The following ACAA2 variants were observed in gnomAD, a reference collection of about 807,000 sequenced individuals.
The protein encoded by ACAA2 is 3-ketoacyl-CoA thiolase, mitochondrial.
A neutral mutation model predicts 44.8 loss-of-function variants in ACAA2; 35 were observed. The observed-to-expected ratio is 0.78, with a 90% CI of 0.60 to 1.04. The LOEUF (loss-of-function observed/expected upper bound fraction) is 1.04, where lower values mean the gene tolerates loss of function less well. ACAA2 is among the 50% of genes least tolerant of loss of function. The pLI is 0.00. For missense variants in ACAA2, 468 were observed against 482.6 expected (o/e 0.97, Z 0.28); for synonymous variants, 142 against 166.5 (o/e 0.85, Z 1.13).
At chr18:49,784,040 T>TAA in intron 9 of ACAA2, 109 bp from the exon 10 acceptor site, 1 of 865,332 alleles carries the variant, frequency 1.2e-6, no homozygotes, top group Non-Finnish European at 1.9e-6. Context: ...GCTCATCTGC[T>TAA]CAATCTTTTC....
At chr18:49,811,235 G>C (rs995520286) in intron 1 of ACAA2, among the ~76,000 whole-genome samples, 2 of 152,040 alleles carry the variant, frequency 1.3e-5, no homozygotes, top group Non-Finnish European at 2.9e-5. Flanking sequence ...TACAGGAAAA[G>C]CACCACTAGG....
In ACAA2 at chr18:49,797,567, T is replaced by C. The variant is rs1390174167; in HGVS notation, c.211A>G (p.Arg71Gly). The C allele has an allele frequency of 6.2e-7, 1 of 1,611,572 alleles. No homozygotes were observed. Among genetic ancestry groups the C allele is most frequent in the Non-Finnish European group, 8.5e-7 (1 of 1,179,022 alleles). ...ATTCCCACACGCAAACCAACATGCCTTGCCAAATATATAGCATCTGAAGAA... is the reference window on the plus strand; with the variant it reads ...ATTCCCACACGCAAACCAACATGCCCTGCCAAATATATAGCATCTGAAGAA... ...QSSSDAIYLA[R>G]HVGLRVGIPK... The change falls in exon 3 of 10, where the codon AGG (arginine) becomes GGG (glycine). Residue 71 changes from arginine to glycine, a missense_variant. Physicochemically the swap from Arg to Gly is moderately radical, Grantham distance 125 (BLOSUM62 -2). Transcript: ENST00000285093.
chr18:49,789,415 T>C (rs1412893233), intron 7 of ACAA2, among the ~76,000 whole-genome samples: 1 of 152,168 alleles, frequency 6.6e-6, no homozygotes, highest in Non-Finnish European at 1.5e-5. Context: ...AGGGGGCAGC[T>C]GATACTGTGG....
chr18:49,803,016 C>T lies in ACAA2; in HGVS notation c.17-163G>A, dbSNP rs113004879. On this transcript the variant is annotated intron_variant, in intron 1 of 9. Transcript: ENST00000285093. ...CAAGTCATACCCATGGAAGCAGAGT[C>T]TTAAGGACTACCAGTTTGACAGTTT... The T allele has an allele frequency of 2.4e-4, 193 of 796,660 alleles. 1 individual carries two copies. The African/African-American group carries it at 2.9e-3, about 12-fold the overall frequency. 49.3% of individuals were successfully genotyped at this position (796,660 alleles called of 1,614,324 possible).
intron 2 of ACAA2, among the ~76,000 whole-genome samples, chr18:49,800,614 C>G (rs544339660): frequency 4.8e-4 from 73 of 152,296 alleles, no homozygotes; most frequent in African/African-American, 1.7e-3. Context: ...CCCGTGCTCT[C>G]TGAAACATGT....
At position 49,813,519 on chromosome 18, in the gene ACAA2, G is replaced by C; in HGVS notation, c.-35C>G. The C allele has an allele frequency of 8.1e-7, 1 of 1,238,426 alleles. No individual in the cohort carries two copies. The highest frequency in any genetic ancestry group is 3.2e-5 in the East Asian group (1 of 31,682). The allele number at this position is 1,238,426 out of a possible 1,614,324, so 76.7% of individuals were successfully genotyped here. Reference sequence around the variant, plus strand: ...TGGGTCGTCGGCGGCGCGGGTCTGTGGTGTGGGGGACGCTGAGCGGCCGCT... The same window carrying C: ...TGGGTCGTCGGCGGCGCGGGTCTGTCGTGTGGGGGACGCTGAGCGGCCGCT... On this transcript the variant is annotated 5_prime_UTR_variant, in exon 1 of 10. Transcript: ENST00000285093.
rs2023278095 is a variant in ACAA2, at chr18:49,782,540, G to C, written c.*1307C>G. ...TTCTGCCTGGGTGACAGAGCAAGAT[G>C]CTATCTCAAAAAAAAAAAAAAAAGG... is the stretch of plus-strand genomic sequence containing the variant. On this transcript the variant is annotated 3_prime_UTR_variant, in exon 10 of 10. Transcript: ENST00000285093. 1 of 113,158 alleles carries C rather than the reference G, an allele frequency of 8.8e-6. No individual in the cohort carries two copies. The highest frequency in any genetic ancestry group is 3.5e-5 in the African/African-American group (1 of 28,456). The allele number at this position is 113,158 out of a possible 1,614,324, so 7.0% of individuals were successfully genotyped here.
intron 2 of ACAA2, among the ~76,000 whole-genome samples, chr18:49,799,835 A>G (rs1218236703): frequency 1.5e-4 from 4 of 27,308 alleles, no homozygotes; most frequent in Admixed American, 4.9e-4. Flanking sequence ...GCCGCCCATC[A>G]TCTGGGATGT....
chr18:49,804,466 A>G (rs989850376), intron 1 of ACAA2, among the ~76,000 whole-genome samples: 5 of 152,212 alleles, frequency 3.3e-5, no homozygotes, highest in Admixed American at 6.5e-5. Flanking sequence ...CACCTCCAGT[A>G]TCTGAAGTCA....
chr18:49,810,308 A>C (rs2023654969), intron 1 of ACAA2, among the ~76,000 whole-genome samples: 1 of 152,198 alleles, frequency 6.6e-6, no homozygotes, highest in Non-Finnish European at 1.5e-5. Context: ...TGAAATCCAA[A>C]GATAACAAAA....
intron 2 of ACAA2, among the ~76,000 whole-genome samples, chr18:49,801,812 A>ATATCTATC (rs1555790826): frequency 1.2e-4 from 17 of 143,312 alleles, no homozygotes; most frequent in Non-Finnish European, 2.3e-4. Flanking sequence ...ATATATATAT[A>ATATCTATC]TATCTTATCT....
chr18:49,807,860 A>T (rs2023626123), intron 1 of ACAA2, among the ~76,000 whole-genome samples: 1 of 152,150 alleles, frequency 6.6e-6, no homozygotes, highest in African/African-American at 2.4e-5. Flanking sequence ...TCTGCTCTGC[A>T]AAAGATGCTG....
At chr18:49,794,220 T>C in intron 5 of ACAA2, 60 bp downstream of exon 5, 1 of 1,251,046 alleles carries the variant, frequency 8.0e-7, no homozygotes, top group Non-Finnish European at 1.1e-6. Flanking sequence ...ATAGAAATGA[T>C]GAAAATATTT....
rs560809010 is a variant in ACAA2, at chr18:49,784,250, G to A, written c.1110-319C>T. Among the ~76,000 whole-genome samples, 10 of 152,286 alleles carry A rather than the reference G, an allele frequency of 6.6e-5. No individual in the cohort carries two copies. The South Asian group carries it at 1.7e-3, about 25-fold the overall frequency. On this transcript the variant is annotated intron_variant, in intron 9 of 9. Transcript: ENST00000285093. ...ACATACAGAAGCTTGTGTGTGTTACGGGAAAGGAGTGAGAAGAGGAGGTAA... is the reference window on the plus strand; with the variant it reads ...ACATACAGAAGCTTGTGTGTGTTACAGGAAAGGAGTGAGAAGAGGAGGTAA...
chr18:49,808,463 C>T (rs906305025), intron 1 of ACAA2, among the ~76,000 whole-genome samples: 2 of 152,148 alleles, frequency 1.3e-5, no homozygotes, highest in African/African-American at 2.4e-5. Context: ...CATGGGAACC[C>T]GCCCCCCAAT....
chr18:49,801,630 G>A (rs1236932375), intron 2 of ACAA2, among the ~76,000 whole-genome samples: 1 of 151,780 alleles, frequency 6.6e-6, no homozygotes, highest in African/African-American at 2.4e-5. Context: ...AAGATGAACA[G>A]CATCAAGTTC....
At chr18:49,805,669 C>T (rs1285788768) in intron 1 of ACAA2, among the ~76,000 whole-genome samples, 3 of 152,082 alleles carry the variant, frequency 2.0e-5, no homozygotes, top group African/African-American at 7.2e-5. Flanking sequence ...CTCGACTTTC[C>T]CAACTCAAGT....
chr18:49,808,010 C>G (rs1323125325), intron 1 of ACAA2, among the ~76,000 whole-genome samples: 3 of 150,662 alleles, frequency 2.0e-5, no homozygotes, highest in East Asian at 1.9e-4. Context: ...CCCATGCAAC[C>G]CAATTTAAAA....
rs1259893417 is a variant in ACAA2, at chr18:49,783,102, T to TA, written c.*744dup. The TA allele has an allele frequency of 1.3e-5, 2 of 152,194 alleles. No individual in the cohort carries two copies. The highest frequency in any genetic ancestry group is 6.6e-5 in the Admixed American group (1 of 15,264). The allele number at this position is 152,194 out of a possible 1,614,324, so 9.4% of individuals were successfully genotyped here. A position where few individuals can be genotyped will look rare whatever the true frequency, so the allele number is the denominator to read the frequency against. On this transcript the variant is annotated 3_prime_UTR_variant, in exon 10 of 10. Transcript: ENST00000285093. ...AAGGTTTATACACACAGCAGAATATTATTCAGCCTTTAAAAAGAAGGAAAT... is the reference window on the plus strand; with the variant it reads ...AAGGTTTATACACACAGCAGAATATTAATTCAGCCTTTAAAAAGAAGGAAAT...
Sources: allele counts gnomAD v4.1 joint callset (sites outside exome capture counted in the v4.1 genomes callset), GRCh38; gene constraint gnomAD v4.1.1; transcripts MANE v1.5; gene names NCBI Gene and HGNC (gene_info 2026-07-23, HGNC 2026-07-21).